The following TRPM3 variants were observed in gnomAD, a reference collection of about 807,000 sequenced individuals.
TRPM3 encodes long transient receptor potential channel 3.
In TRPM3, 77 loss-of-function variants were observed where a neutral mutation model predicts 181.2. The observed-to-expected ratio is 0.42, with a 90% CI of 0.35 to 0.51. The LOEUF (loss-of-function observed/expected upper bound fraction) is 0.51. Ranked by LOEUF, TRPM3 falls within the 20% of genes least tolerant of loss-of-function variation. The pLI is 0.01. For synonymous variants in TRPM3, 745 were observed against 796.4 expected, an observed-to-expected ratio of 0.94 and a Z score of 1.09; for missense variants, 1,759 against 2,196.7, an observed-to-expected ratio of 0.80 and a Z score of 3.98.
intron 1 of TRPM3, among the ~76,000 whole-genome samples, chr9:71,406,787 G>A (rs1208559325): frequency 6.6e-6 from 1 of 152,134 alleles, no homozygotes; most frequent in African/African-American, 2.4e-5. Context: ...GAAAGTGGAA[G>A]TGACAGTATT....
chr9:70,814,291 G>A (rs2092462575), intron 6 of TRPM3, among the ~76,000 whole-genome samples: 1 of 152,098 alleles, frequency 6.6e-6, no homozygotes, highest in South Asian at 2.1e-4. Flanking sequence ...GCACCATAAC[G>A]GGTTGTAGGA....
intron 1 of TRPM3, among the ~76,000 whole-genome samples, chr9:71,032,229 AG>A (rs1176679934): frequency 7.2e-6 from 1 of 138,048 alleles, no homozygotes; most frequent in African/African-American, 2.7e-5. Context: ...ATAGGACAAA[AG>A]AAAGAAGCAG....
chr9:70,815,786 T>C (rs1419469249), intron 6 of TRPM3, among the ~76,000 whole-genome samples: 4 of 152,226 alleles, frequency 2.6e-5, no homozygotes, highest in African/African-American at 7.2e-5. Flanking sequence ...CTGTATTTTC[T>C]AATAGGGTTT....
chr9:70,699,298 A>T (rs115711936), intron 8 of TRPM3, among the ~76,000 whole-genome samples: 76 of 152,318 alleles, frequency 5.0e-4, no homozygotes, highest in African/African-American at 1.8e-3. Flanking sequence ...GACGTCATGG[A>T]GAAGATGAGG....
At chr9:71,055,235 AAAT>A (rs1409091883) in intron 1 of TRPM3, among the ~76,000 whole-genome samples, 2 of 152,222 alleles carry the variant, frequency 1.3e-5, no homozygotes, top group Non-Finnish European at 2.9e-5. Context: ...AGAGGAGAGC[AAAT>A]CAAGTCAGGG....
chr9:71,305,569 C>T (rs568447019), intron 1 of TRPM3, among the ~76,000 whole-genome samples: 49 of 152,158 alleles, frequency 3.2e-4, no homozygotes, highest in African/African-American at 1.2e-3. Context: ...ACAAGTGGCT[C>T]AAGTGACACA....
At chr9:71,050,563 A>G (rs996220827) in intron 1 of TRPM3, among the ~76,000 whole-genome samples, 4 of 152,192 alleles carry the variant, frequency 2.6e-5, no homozygotes, top group African/African-American at 9.7e-5. Context: ...ATTTGATGTT[A>G]TGTATATTTT....
chr9:71,125,505 T>C (rs951377617), upstream of TRPM3, among the ~76,000 whole-genome samples: 7 of 152,200 alleles, frequency 4.6e-5, no homozygotes, highest in Non-Finnish European at 1.0e-4. Context: ...GCTCCATCCA[T>C]GTCACTGCAA....
chr9:71,248,745 C>T (rs979228434), intron 1 of TRPM3, among the ~76,000 whole-genome samples: 6 of 152,102 alleles, frequency 3.9e-5, no homozygotes, highest in South Asian at 4.1e-4. Flanking sequence ...TTATAATGTA[C>T]GTCCAACTAT....
intron 1 of TRPM3, among the ~76,000 whole-genome samples, chr9:71,067,614 T>G (rs1030117259): frequency 3.3e-5 from 5 of 152,186 alleles, no homozygotes; most frequent in Non-Finnish European, 7.3e-5. Flanking sequence ...ATAATATCAC[T>G]TACTTTCTGG....
At chr9:70,904,570 G>A (rs1319886103) in intron 1 of TRPM3, among the ~76,000 whole-genome samples, 1 of 152,118 alleles carries the variant, frequency 6.6e-6, no homozygotes, top group Admixed American at 6.5e-5. Context: ...AAGCATGCTG[G>A]GGCCAACACA....
intron 1 of TRPM3, among the ~76,000 whole-genome samples, chr9:71,424,939 G>T (rs1259519461): frequency 6.6e-6 from 1 of 152,004 alleles, no homozygotes; most frequent in Non-Finnish European, 1.5e-5. Flanking sequence ...TAGCAAAACT[G>T]CTCTTGACAA....
intron 1 of TRPM3, among the ~76,000 whole-genome samples, chr9:70,974,529 A>G (rs1250873595): frequency 6.9e-6 from 1 of 144,954 alleles, no homozygotes; most frequent in African/African-American, 2.6e-5. Context: ...ACAGAGCGAG[A>G]CTCCGTCTCA....
At chr9:70,878,008 C>A (rs1250388355) in intron 1 of TRPM3, among the ~76,000 whole-genome samples, 2 of 151,942 alleles carry the variant, frequency 1.3e-5, no homozygotes, top group Admixed American at 6.6e-5. Flanking sequence ...TTGAATGCCA[C>A]ATGACACACT....
intron 4 of TRPM3, among the ~76,000 whole-genome samples, chr9:70,843,573 G>A (rs2094814787): frequency 6.6e-6 from 1 of 152,166 alleles, no homozygotes; most frequent in South Asian, 2.1e-4. Flanking sequence ...AAAGACATGA[G>A]CTATTTAGTT....
intron 3 of TRPM3, among the ~76,000 whole-genome samples, chr9:70,859,247 C>A (rs1564613793): frequency 1.3e-5 from 2 of 152,116 alleles, no homozygotes; most frequent in Admixed American, 6.5e-5. Flanking sequence ...CACCAGCAGA[C>A]AACTCTAAGT....
In TRPM3 at chr9:71,063,521, C is replaced by T. The variant is rs541135298; in HGVS notation, c.177+57657G>A. 4.5e-4 allele frequency among the ~76,000 whole-genome samples: 68 copies of T among 152,030 alleles called. 1 individual carries two copies. The highest frequency in any genetic ancestry group is 1.5e-3 in the African/African-American group (63 of 41,510). On this transcript the variant is annotated intron_variant, in intron 1 of 25. Coordinates refer to ENST00000677713, the MANE Select transcript of TRPM3 (RefSeq NM_001366145.2). ...TTATAAGGTCAGTGAAGGGAGAATG[C>T]CCTGTGGACTGTAAAAATCTTCATG...
intron 9 of TRPM3, among the ~76,000 whole-genome samples, chr9:70,654,425 T>C (rs767908608): frequency 7.2e-5 from 11 of 151,964 alleles, no homozygotes; most frequent in Non-Finnish European, 1.3e-4. Context: ...AGGAAATGCA[T>C]ACAAGGGCTG....
chr9:71,195,199 A>C (rs1054595717), intron 1 of TRPM3, among the ~76,000 whole-genome samples: 2 of 152,134 alleles, frequency 1.3e-5, no homozygotes, highest in Admixed American at 1.3e-4. Flanking sequence ...AGCAAAAGAA[A>C]CTATCGACAG....
Sources: allele counts gnomAD v4.1 joint callset (sites outside exome capture counted in the v4.1 genomes callset), GRCh38; gene constraint gnomAD v4.1.1; transcripts MANE v1.5; gene names NCBI Gene and HGNC (gene_info 2026-07-23, HGNC 2026-07-21).